ANKRD18A: variants seen among roughly 807,000 people sequenced by gnomAD.
ANKRD18A encodes the protein ankyrin repeat domain 18A, also known as ankyrin repeat domain-containing protein 18A.
A neutral mutation model predicts 110.6 loss-of-function variants in ANKRD18A; 72 were observed. The observed-to-expected ratio is 0.65, with a 90% CI of 0.54 to 0.79. The LOEUF (loss-of-function observed/expected upper bound fraction) is 0.79, where lower values mean the gene tolerates loss of function less well. Ranked by LOEUF, ANKRD18A falls within the 30% of genes least tolerant of loss-of-function variation. ANKRD18A has a pLI of 0.00. For missense variants in ANKRD18A, 934 were observed against 1,163.3 expected, an observed-to-expected ratio of 0.80 and a Z score of 2.87; for synonymous variants, 305 against 410.3, an observed-to-expected ratio of 0.74 and a Z score of 3.10.
intron 4 of ANKRD18A, 21 bp downstream of exon 4, chr9:38,611,194 A>G: frequency 5.3e-6 from 8 of 1,523,298 alleles, no homozygotes; most frequent in Non-Finnish European, 7.0e-6. Context: ...AAAAGAAAAC[A>G]AAAAACAAAA....
chr9:38,574,157 T>C (rs1465673249), intron 15 of ANKRD18A, among the ~76,000 whole-genome samples: 1 of 152,174 alleles, frequency 6.6e-6, no homozygotes, highest in Non-Finnish European at 1.5e-5. Flanking sequence ...AACAAGATAT[T>C]TGGTTTCTGT....
chr9:38,620,572 A>T lies in ANKRD18A; in HGVS notation c.-287T>A. On this transcript the variant is annotated 5_prime_UTR_variant, in exon 1 of 16. Coordinates refer to ENST00000399703, the MANE Select transcript of ANKRD18A (RefSeq NM_147195.4). The stretch of plus-strand genomic sequence containing the variant: ...GCCGTTAGGCGCGCGCCTGAACCTC[A>T]GCGCTCCGAACTCTCAGACCGAGTG... 1 of 1,008,096 alleles carries T rather than the reference A, an allele frequency of 9.9e-7. No individual in the cohort carries two copies. The highest frequency in any genetic ancestry group is 1.3e-6 in the Non-Finnish European group (1 of 775,700). The allele number at this position is 1,008,096 out of a possible 1,614,324, so 62.4% of individuals were successfully genotyped here.
chr9:38,591,279 T>C (rs1332758323), intron 10 of ANKRD18A, among the ~76,000 whole-genome samples: 4 of 151,902 alleles, frequency 2.6e-5, no homozygotes, highest in Admixed American at 6.6e-5. Context: ...AGGTGTTCCA[T>C]GGAATGGTTT....
chr9:38,601,949 C>T (rs1414756642), intron 7 of ANKRD18A, among the ~76,000 whole-genome samples: 1 of 149,722 alleles, frequency 6.7e-6, no homozygotes, highest in East Asian at 2.0e-4. Context: ...TGCCATTGCA[C>T]TCCACCCTGG....
chr9:38,572,088 T>G, intron 15 of ANKRD18A, 29 bp from the exon 16 acceptor site: 1 of 1,516,420 alleles, frequency 6.6e-7, no homozygotes, highest in Non-Finnish European at 8.9e-7. Context: ...GATTATGTTC[T>G]TTACCTAAAA....
intron 3 of ANKRD18A, among the ~76,000 whole-genome samples, chr9:38,612,796 T>C (rs375672443): frequency 3.4e-4 from 52 of 152,188 alleles, no homozygotes; most frequent in Non-Finnish European, 5.6e-4. Context: ...GGATTACAGG[T>C]GTGAGCCATT....
intron 7 of ANKRD18A, among the ~76,000 whole-genome samples, chr9:38,601,957 T>A (rs1412320996): frequency 7.0e-6 from 1 of 143,286 alleles, no homozygotes; most frequent in Non-Finnish European, 1.5e-5. Context: ...CACTCCACCC[T>A]GGGTGTCAGA....
intron 5 of ANKRD18A, among the ~76,000 whole-genome samples, chr9:38,608,342 C>G (rs1266555474): frequency 6.6e-6 from 1 of 151,966 alleles, no homozygotes; most frequent in African/African-American, 2.4e-5. Context: ...AACTGACATA[C>G]AAGACAAAGC....
At chr9:38,576,850 CA>C (rs201777416) in intron 14 of ANKRD18A, among the ~76,000 whole-genome samples, 2 of 151,446 alleles carry the variant, frequency 1.3e-5, no homozygotes, top group African/African-American at 4.8e-5. Context: ...CACACAAAAA[CA>C]AAAAAAGAGA....
chr9:38,582,289 A>G lies in ANKRD18A; in HGVS notation c.2247+3894T>C, dbSNP rs111901889. Among the ~76,000 whole-genome samples, 1,226 of 152,334 alleles carry G rather than the reference A, an allele frequency of 8.0e-3. 20 individuals carry two copies. Among genetic ancestry groups the G allele is most frequent in the African/African-American group, 0.028 (1,168 of 41,568 alleles). On this transcript the variant is annotated intron_variant, in intron 12 of 15. Coordinates refer to ENST00000399703, the MANE Select transcript of ANKRD18A (RefSeq NM_147195.4). ...GAGACTAAAGGTTCAAATGGAGAAAAAAAGAAATAGTGTGTCTCGTAAGCC... is the reference window on the plus strand; with the variant it reads ...GAGACTAAAGGTTCAAATGGAGAAAGAAAGAAATAGTGTGTCTCGTAAGCC...
intron 1 of ANKRD18A, among the ~76,000 whole-genome samples, chr9:38,618,610 C>T (rs552591613): frequency 3.9e-5 from 6 of 152,144 alleles, no homozygotes; most frequent in Non-Finnish European, 8.8e-5. Context: ...CTTGAAAAGT[C>T]ATCAGCAACT....
intron 13 of ANKRD18A, 99 bp from the exon 14 acceptor site, chr9:38,577,363 T>C (rs1248605716): frequency 1.3e-5 from 16 of 1,213,612 alleles, no homozygotes; most frequent in Non-Finnish European, 1.8e-5. Flanking sequence ...AAGAGCAATT[T>C]TGAGTATGTT....
Position 38,593,818 on chromosome 9 carries a change from T to C in ANKRD18A, c.1946A>G (p.His649Arg). ...ESPLEGTSHC[H>R]INLNETWTSK... ...AGTCCATGTCTCATTCAAATTAATA[T>C]GACAATGTGATGTACCTTCCAGTGG... The change falls in exon 10 of 16, where the codon CAT becomes CGT. Residue 649 changes from histidine (H) to arginine (R), a missense_variant. Physicochemically the swap from His to Arg is conservative, Grantham distance 29. Transcript: ENST00000399703. 1 of 1,543,392 alleles carries C rather than the reference T, an allele frequency of 6.5e-7. No homozygotes were observed. The highest frequency in any genetic ancestry group is 1.4e-5 in the African/African-American group (1 of 72,908).
In ANKRD18A at chr9:38,586,257, C is replaced by A; in HGVS notation, c.2173G>T (p.Asp725Tyr). 2 of 1,608,114 alleles carry A rather than the reference C, an allele frequency of 1.2e-6. No homozygotes were observed. Among genetic ancestry groups the A allele is most frequent in the East Asian group, 2.2e-5 (1 of 44,656 alleles). ...INMLNAFANE[D>Y]FSCHGDLNTD... ...TTTAAGTCTCCATGGCAACTGAAGT[C>A]CTCATTTGCAAATGCATTTAACATA... Residue 725 changes from aspartate (D) to tyrosine (Y), a missense_variant, in exon 12 of 16, where the codon GAC becomes TAC. Around this residue, in one of 4 missense-constraint regions of ANKRD18A, gnomAD observed 79 missense variants for 122.8 expected, o/e 0.64. Coordinates refer to ENST00000399703, the MANE Select transcript of ANKRD18A (RefSeq NM_147195.4).
At chr9:38,599,945 A>C (rs1390051480) in intron 8 of ANKRD18A, among the ~76,000 whole-genome samples, 1 of 152,168 alleles carries the variant, frequency 6.6e-6, no homozygotes, top group Non-Finnish European at 1.5e-5. Context: ...ACTTTATTCT[A>C]AATTGTTTCT....
intron 5 of ANKRD18A, among the ~76,000 whole-genome samples, chr9:38,609,990 T>C (rs1825538339): frequency 6.7e-6 from 1 of 149,922 alleles, no homozygotes; most frequent in African/African-American, 2.5e-5. Flanking sequence ...AAGATGGACA[T>C]TATTTCTATC....
chr9:38,569,322 T>C, downstream of ANKRD18A: 2 of 981,668 alleles, frequency 2.0e-6, no homozygotes, highest in Non-Finnish European at 2.4e-6. Flanking sequence ...CCTCAGTAGC[T>C]GCCCAGAGGC....
At chr9:38,569,355 A>G (rs1223836092), downstream of ANKRD18A, 2 of 985,132 alleles carry the variant, frequency 2.0e-6, no homozygotes, top group Non-Finnish European at 2.4e-6. Context: ...CCCGATAGCG[A>G]CTGTCCCCAA....
rs1220323213 is a variant in ANKRD18A, at chr9:38,596,298, T to C, written c.1042A>G (p.Ser348Gly). Residue 348 changes from serine to glycine, a missense_variant, in exon 9 of 16, where the codon AGT becomes GGT. Ser to Gly is a moderately conservative substitution (Grantham distance 56). Around this residue, in one of 4 missense-constraint regions of ANKRD18A, gnomAD observed 630 missense variants for 797.5 expected, o/e 0.79. Transcript: ENST00000399703. The part of the protein sequence containing the change: ...KEELYAIKND[S>G]LRKEKKYIQE... ...ATATATTTCTTTTCCTTTCTGAGAC[T>C]GTCATTTTTTATTGCATATAATTCC... is the stretch of plus-strand genomic sequence containing the variant. 5 of 1,535,080 alleles carry C rather than the reference T, an allele frequency of 3.3e-6. No homozygotes were observed. The highest frequency in any genetic ancestry group is 4.4e-6 in the Non-Finnish European group (5 of 1,142,514).
Sources: gnomAD v4.1 joint callset for allele counts (sites outside exome capture counted in the v4.1 genomes callset) on GRCh38, gnomAD v4.1.1 for gene constraint, gnomAD v4.1.1 regional missense constraint, MANE v1.5 for transcripts, NCBI Gene and HGNC (gene_info 2026-07-23, HGNC 2026-07-21) for gene names.